The following RUFY4 variants were observed in gnomAD, a reference collection of about 807,000 sequenced individuals.
RUFY4 encodes the protein RUN and FYVE domain-containing protein 4.
RUFY4 carries 73 observed loss-of-function variants against 69.0 expected under a neutral mutation model. The ratio of observed to expected loss-of-function variants is 1.06; its 90% confidence interval spans 0.88 to 1.29. The LOEUF (loss-of-function observed/expected upper bound fraction) is 1.29, where lower values mean the gene tolerates loss of function less well. Among genes scored for constraint, RUFY4 ranks in the 50% most tolerant of loss-of-function variants. RUFY4 has a pLI of 0.00. For synonymous variants in RUFY4, 287 were observed against 271.8 expected, an observed-to-expected ratio of 1.06 and a Z score of -0.55; for missense variants, 770 against 705.6, an observed-to-expected ratio of 1.09 and a Z score of -1.03.
intron 8 of RUFY4, among the ~76,000 whole-genome samples, chr2:218,078,488 A>T (rs529600871): frequency 1.3e-5 from 2 of 152,276 alleles, no homozygotes; most frequent in Admixed American, 6.5e-5. Context: ...GGATGTGGGA[A>T]AAGGTCAGGT....
chr2:218,089,990 A>G (rs778749764), exon 11 of RUFY4: 1 of 1,569,344 alleles, frequency 6.4e-7, no homozygotes, highest in Non-Finnish European at 8.6e-7. Context: ...TGCTCCATGG[A>G]TTACAAGAAG....
chr2:218,045,978 T>C (rs1202093489), intron 2 of RUFY4, among the ~76,000 whole-genome samples: 1 of 152,154 alleles, frequency 6.6e-6, no homozygotes, highest in Non-Finnish European at 1.5e-5. Context: ...CTAATTTTTT[T>C]TGTATTTTTA....
intron 2 of RUFY4, among the ~76,000 whole-genome samples, chr2:218,071,912 G>T (rs1465749559): frequency 1.3e-5 from 2 of 152,156 alleles, no homozygotes; most frequent in Non-Finnish European, 2.9e-5. Flanking sequence ...CTTTACTTCT[G>T]CACCCTCTCC....
At chr2:218,054,612 C>A (rs566374847) in intron 2 of RUFY4, among the ~76,000 whole-genome samples, 1 of 147,570 alleles carries the variant, frequency 6.8e-6, no homozygotes, top group African/African-American at 2.5e-5. Context: ...AAAACTCTAA[C>A]GAGAAGAACT....
At chr2:218,072,748 G>C in intron 3 of RUFY4, 31 bp from the exon 6 acceptor site, 2 of 1,461,870 alleles carry the variant, frequency 1.4e-6, no homozygotes, top group Non-Finnish European at 1.8e-6. Flanking sequence ...TCCTAATACT[G>C]CTCCCCATTC....
At chr2:218,053,565 A>G (rs1228854914) in intron 2 of RUFY4, among the ~76,000 whole-genome samples, 1 of 152,058 alleles carries the variant, frequency 6.6e-6, no homozygotes, top group Non-Finnish European at 1.5e-5. Flanking sequence ...GCTGGAGTGC[A>G]GTGGCGAGAT....
At chr2:218,040,700 G>T (rs1349763807) in intron 2 of RUFY4, among the ~76,000 whole-genome samples, 1 of 152,028 alleles carries the variant, frequency 6.6e-6, no homozygotes, top group Admixed American at 6.6e-5. Context: ...TTATTGCTTT[G>T]CCCTAAGATT....
At chr2:218,074,082 G>A (rs1689563449) in intron 6 of RUFY4, 197 bp downstream of exon 8, 1 of 628,160 alleles carries the variant, frequency 1.6e-6, no homozygotes, top group East Asian at 2.7e-5. Context: ...TCCTGGGGTG[G>A]CGGGGACACT....
intron 3 of RUFY4, chr2:218,060,989 ACAG>A: frequency 1.3e-6 from 1 of 788,070 alleles, no homozygotes; most frequent in Non-Finnish European, 2.3e-6. Context: ...TGGCCAGGTA[ACAG>A]TCCATGCTGC....
upstream of RUFY4, among the ~76,000 whole-genome samples, chr2:218,070,126 C>G (rs1689449088): frequency 6.6e-6 from 1 of 152,140 alleles, no homozygotes; most frequent in African/African-American, 2.4e-5. Context: ...AGTGGACACC[C>G]CCAGCCTAGT....
chr2:218,061,119 A>T, intron 3 of RUFY4: 2 of 514,558 alleles, frequency 3.9e-6, no homozygotes, highest in South Asian at 3.3e-5. Context: ...AAGATGGGCA[A>T]TGTCAGGGAA....
chr2:218,052,744 TTA>T (rs1559423632), intron 2 of RUFY4, among the ~76,000 whole-genome samples: 1 of 146,570 alleles, frequency 6.8e-6, no homozygotes. Context: ...TTTTTTTTTT[TTA>T]AAAAAAAAAG....
At position 218,050,324 on chromosome 2, in the gene RUFY4, G is replaced by A. The variant is rs139921399; in HGVS notation, c.-1157-8271G>A. 1.2e-3 allele frequency among the ~76,000 whole-genome samples: 185 copies of A among 152,248 alleles called. 1 individual carries two copies. Among genetic ancestry groups the A allele is most frequent in the African/African-American group, 4.1e-3 (172 of 41,546 alleles). On this transcript the variant is annotated intron_variant and NMD_transcript_variant, in intron 2 of 13. Coordinates refer to the RUFY4 transcript ENST00000457754. ...CCTCTTGATCACAGGACAAGAACCC[G>A]GAACTCACCAAGCTACAGTAGGCAG...
At chr2:218,058,085 T>C (rs1457657262) in intron 2 of RUFY4, among the ~76,000 whole-genome samples, 2 of 152,218 alleles carry the variant, frequency 1.3e-5, no homozygotes, top group African/African-American at 4.8e-5. Flanking sequence ...TTGCTTTCTC[T>C]AAAGCTTGTA....
chr2:218,072,293 T>C, intron 2 of RUFY4, 81 bp from the exon 5 acceptor site: 1 of 1,486,432 alleles, frequency 6.7e-7, no homozygotes, highest in Non-Finnish European at 9.0e-7. Context: ...CTCCAGTACA[T>C]GTCCCCTCAG....
intron 6 of RUFY4, among the ~76,000 whole-genome samples, chr2:218,074,433 G>C (rs1171229667): frequency 6.6e-6 from 1 of 152,150 alleles, no homozygotes; most frequent in Non-Finnish European, 1.5e-5. Context: ...GCATGACAGT[G>C]TGTGGTCACC....
At chr2:218,076,375 G>T in intron 7 of RUFY4, 52 bp from the exon 10 acceptor site, 1 of 1,537,754 alleles carries the variant, frequency 6.5e-7, no homozygotes, top group Non-Finnish European at 8.8e-7. Flanking sequence ...CCCAGCACTG[G>T]GGTCTCTGCC....
chr2:218,077,536 C>T (rs1056894535), intron 8 of RUFY4, among the ~76,000 whole-genome samples: 4 of 152,196 alleles, frequency 2.6e-5, no homozygotes, highest in African/African-American at 9.7e-5. Context: ...CTTCTCACTG[C>T]AGAGATCTTC....
At chr2:218,053,263 G>C (rs1023018839) in intron 2 of RUFY4, among the ~76,000 whole-genome samples, 3 of 152,166 alleles carry the variant, frequency 2.0e-5, no homozygotes, top group Middle Eastern at 6.8e-3. Flanking sequence ...AAGTCTCAAA[G>C]GATGAGGCTT....
Sources: gnomAD v4.1 joint callset for allele counts (sites outside exome capture counted in the v4.1 genomes callset) on GRCh38, gnomAD v4.1.1 for gene constraint, MANE v1.5 for transcripts, NCBI Gene and HGNC (gene_info 2026-07-23, HGNC 2026-07-21) for gene names.